DLGAP1: variants seen among roughly 807,000 people sequenced by gnomAD.
DLGAP1 encodes the protein disks large-associated protein 1.
In DLGAP1, 11 loss-of-function variants were observed where a neutral mutation model predicts 90.8. The ratio of observed to expected loss-of-function variants is 0.12; its 90% CI spans 0.08 to 0.20. The LOEUF is 0.20. DLGAP1 is among the 10% of genes least tolerant of loss of function. The pLI, the probability that DLGAP1 is intolerant of heterozygous loss-of-function variation, is 1.00. For missense variants in DLGAP1, 1,050 were observed against 1,333.8 expected, an observed-to-expected ratio of 0.79 and a Z score of 3.31; for synonymous variants, 558 against 540.7, an observed-to-expected ratio of 1.03 and a Z score of -0.44.
At chr18:3,876,888 A>C (rs2071018834) in intron 4 of DLGAP1, among the ~76,000 whole-genome samples, 1 of 152,202 alleles carries the variant, frequency 6.6e-6, no homozygotes, top group African/African-American at 2.4e-5. Flanking sequence ...ATTTTACTGA[A>C]AAACTTTAAT....
In DLGAP1 at chr18:3,634,578, T is replaced by C. The variant is rs375201493; in HGVS notation, c.1592-52330A>G. 4.6e-5 allele frequency among the ~76,000 whole-genome samples: 7 copies of C among 152,362 alleles called. No individual in the cohort carries two copies. In the East Asian group the frequency reaches 1.2e-3, roughly 25 times the overall value. On this transcript the variant is annotated intron_variant, in intron 7 of 12. Coordinates refer to ENST00000315677, the MANE Select transcript of DLGAP1 (RefSeq NM_004746.4). Reference sequence around the variant, plus strand: ...AAAATCCAGATAGATGTAAATTATATTGAGAATATTGCCTTCATTTCTATA... The same window carrying C: ...AAAATCCAGATAGATGTAAATTATACTGAGAATATTGCCTTCATTTCTATA...
At chr18:3,827,297 C>T (rs2067772337) in intron 4 of DLGAP1, among the ~76,000 whole-genome samples, 1 of 152,102 alleles carries the variant, frequency 6.6e-6, no homozygotes, top group Non-Finnish European at 1.5e-5. Context: ...AGCATTGCTC[C>T]ACCCTTAGAA....
intron 7 of DLGAP1, chr18:3,603,978 A>G: frequency 6.5e-6 from 1 of 154,574 alleles, no homozygotes; most frequent in African/African-American, 2.4e-5. Flanking sequence ...CTTTGACCCG[A>G]TGCTGTCAGA....
intron 7 of DLGAP1, among the ~76,000 whole-genome samples, chr18:3,716,538 A>AT (rs11374642): frequency 0.51 from 77,212 of 151,426 alleles, 20,378 homozygotes; most frequent in East Asian, 0.71. Flanking sequence ...CCTGTCTCAA[A>AT]TTTTTTTTTC....
At chr18:3,881,798 A>T (rs2071177543) in intron 3 of DLGAP1, among the ~76,000 whole-genome samples, 1 of 152,168 alleles carries the variant, frequency 6.6e-6, no homozygotes, top group Non-Finnish European at 1.5e-5. Context: ...CTGTAGTCCC[A>T]GCTACTCGGG....
chr18:3,917,137 G>T (rs2072162550), intron 3 of DLGAP1, among the ~76,000 whole-genome samples: 1 of 152,238 alleles, frequency 6.6e-6, no homozygotes, highest in Non-Finnish European at 1.5e-5. Context: ...AGTAGGTTAG[G>T]TGAAGGCTAA....
intron 7 of DLGAP1, among the ~76,000 whole-genome samples, chr18:3,648,707 AAG>A (rs1460020484): frequency 6.6e-6 from 1 of 152,234 alleles, no homozygotes; most frequent in Non-Finnish European, 1.5e-5. Flanking sequence ...CTTTAAGAGT[AAG>A]AGTTTTGTTT....
At chr18:3,837,200 A>T (rs928239677) in intron 4 of DLGAP1, among the ~76,000 whole-genome samples, 2 of 152,200 alleles carry the variant, frequency 1.3e-5, no homozygotes, top group Non-Finnish European at 2.9e-5. Context: ...TTGAAATCCA[A>T]GCATATGTTA....
At chr18:4,260,432 A>G (rs1030165570) in intron 1 of DLGAP1, among the ~76,000 whole-genome samples, 2 of 152,226 alleles carry the variant, frequency 1.3e-5, no homozygotes, top group Non-Finnish European at 1.5e-5. Flanking sequence ...TTTCTTTAAT[A>G]TAAGCATTTA....
intron 1 of DLGAP1, among the ~76,000 whole-genome samples, chr18:4,251,413 TC>T (rs1210461645): frequency 6.6e-6 from 1 of 151,820 alleles, no homozygotes; most frequent in Admixed American, 6.6e-5. Flanking sequence ...ACCACAGGAG[TC>T]CTAACTTCTC....
At position 4,441,676 on chromosome 18, in the gene DLGAP1, G is replaced by A. The variant is rs8087818; in HGVS notation, c.-267+13330C>T. Among the ~76,000 whole-genome samples the A allele has an allele frequency of 2.0e-5, 3 of 152,084 alleles. No homozygotes were observed. In the South Asian group the frequency reaches 6.2e-4, roughly 31 times the overall value. On this transcript the variant is annotated intron_variant, in intron 1 of 12. Transcript: ENST00000315677. Reference sequence around the variant, plus strand: ...GGAAAGAATTACGGAAAAAATAAGAGAAGTGACACTTCAAGAATTTCCAAA... The same window carrying A: ...GGAAAGAATTACGGAAAAAATAAGAAAAGTGACACTTCAAGAATTTCCAAA...
chr18:3,713,226 T>A (rs1159290838), intron 7 of DLGAP1, among the ~76,000 whole-genome samples: 1 of 152,190 alleles, frequency 6.6e-6, no homozygotes, highest in Non-Finnish European at 1.5e-5. Flanking sequence ...TGAGCTACAG[T>A]TTGCACAGCT....
intron 1 of DLGAP1, among the ~76,000 whole-genome samples, chr18:4,427,742 T>C (rs2083188758): frequency 6.6e-6 from 1 of 152,182 alleles, no homozygotes; most frequent in African/African-American, 2.4e-5. Flanking sequence ...AGGTTTGAAT[T>C]GTAAGTCATG....
Position 4,154,852 on chromosome 18 carries a change from G to A in DLGAP1, c.-266-3565C>T, listed in dbSNP as rs141287951. On this transcript the variant is annotated intron_variant, in intron 1 of 12. Transcript: ENST00000315677. ...CCACCGTTCTGCAAAGATTTAGCGA[G>A]CATCTATCATATGCCAAGCACTATC... is the stretch of plus-strand genomic sequence containing the variant. Among the ~76,000 whole-genome samples the A allele has an allele frequency of 5.3e-4, 81 of 152,282 alleles. 1 individual carries two copies. The highest frequency in any genetic ancestry group is 1.8e-3 in the African/African-American group (76 of 41,544).
intron 1 of DLGAP1, among the ~76,000 whole-genome samples, chr18:4,419,949 A>G (rs751887183): frequency 6.6e-6 from 1 of 152,204 alleles, no homozygotes; most frequent in Non-Finnish European, 1.5e-5. Flanking sequence ...CACTTTACAT[A>G]TGTACAGACA....
At chr18:3,635,235 A>AT (rs1225925752) in intron 7 of DLGAP1, among the ~76,000 whole-genome samples, 2 of 149,590 alleles carry the variant, frequency 1.3e-5, no homozygotes, top group African/African-American at 4.9e-5. Context: ...GGTTCACGCC[A>AT]TTCTCCTGCC....
intron 1 of DLGAP1, among the ~76,000 whole-genome samples, chr18:4,451,665 C>T (rs2083835522): frequency 6.6e-6 from 1 of 152,118 alleles, no homozygotes; most frequent in Non-Finnish European, 1.5e-5. Flanking sequence ...AAAGAAAAAA[C>T]ATCTTTTGAG....
chr18:4,436,445 ACAAATTCC>A (rs2083400047), intron 1 of DLGAP1, among the ~76,000 whole-genome samples: 2 of 152,134 alleles, frequency 1.3e-5, no homozygotes, highest in African/African-American at 4.8e-5. Flanking sequence ...TACATTTCTA[ACAAATTCC>A]CAGGTGATGC....
At chr18:3,892,881 T>C (rs1199660501) in intron 3 of DLGAP1, among the ~76,000 whole-genome samples, 2 of 147,824 alleles carry the variant, frequency 1.4e-5, no homozygotes, top group East Asian at 3.9e-4. Flanking sequence ...TTTATATATA[T>C]AAAGAATTAT....
Sources: gnomAD v4.1 joint callset for allele counts (sites outside exome capture counted in the v4.1 genomes callset) on GRCh38, gnomAD v4.1.1 for gene constraint, MANE v1.5 for transcripts, NCBI Gene and HGNC (gene_info 2026-07-23, HGNC 2026-07-21) for gene names.